Variants in ROBO2 observed in about 807,000 individuals in gnomAD.
ROBO2 encodes roundabout guidance receptor 2.
A neutral mutation model predicts 160.8 loss-of-function variants in ROBO2; 53 were observed. The ratio of observed to expected loss-of-function variants is 0.33; its 90% confidence interval spans 0.26 to 0.41. The LOEUF is 0.41. ROBO2 is among the 10% of genes least tolerant of loss of function. The pLI is 1.00. For synonymous variants in ROBO2, 664 were observed against 611.7 expected (o/e 1.09, Z -1.26); for missense variants, 1,577 against 1,722.4 (o/e 0.92, Z 1.49).
chr3:76,674,385 C>T (rs1348782921), intron 2 of ROBO2, among the ~76,000 whole-genome samples: 5 of 151,928 alleles, frequency 3.3e-5, no homozygotes, highest in South Asian at 2.1e-4. Context: ...TGCTGGGCAC[C>T]AGGTCACTGT....
intron 2 of ROBO2, among the ~76,000 whole-genome samples, chr3:76,096,194 T>C (rs746006681): frequency 6.6e-6 from 1 of 152,200 alleles, no homozygotes; most frequent in Non-Finnish European, 1.5e-5. Context: ...TCGAGTTTAC[T>C]TGGGCCACCT....
chr3:76,468,656 CTTG>C (rs2078485086), intron 2 of ROBO2, among the ~76,000 whole-genome samples: 2 of 152,062 alleles, frequency 1.3e-5, no homozygotes, highest in South Asian at 2.1e-4. Context: ...CTCAGCAACA[CTTG>C]TTGTGTAGAT....
intron 2 of ROBO2, among the ~76,000 whole-genome samples, chr3:76,440,208 A>C (rs568118483): frequency 6.6e-6 from 1 of 152,150 alleles, no homozygotes; most frequent in South Asian, 2.1e-4. Flanking sequence ...ACCCCAATCA[A>C]GTCCCAAGCA....
chr3:76,009,358 C>T (rs572092514), intron 2 of ROBO2, among the ~76,000 whole-genome samples: 42 of 152,342 alleles, frequency 2.8e-4, no homozygotes, highest in African/African-American at 9.9e-4. Flanking sequence ...GCACCTCCGC[C>T]TCCCAAAGTG....
chr3:75,933,202 C>G (rs1047438587), intron 1 of ROBO2, among the ~76,000 whole-genome samples: 5 of 152,074 alleles, frequency 3.3e-5, no homozygotes, highest in African/African-American at 1.2e-4. Context: ...TGAAAAAAAT[C>G]AATGTTAATA....
intron 2 of ROBO2, among the ~76,000 whole-genome samples, chr3:76,038,670 T>C: frequency 6.6e-6 from 1 of 151,930 alleles, no homozygotes; most frequent in Middle Eastern, 3.2e-3. Flanking sequence ...TCCTAGCTAT[T>C]GATCCCAAGA....
intron 2 of ROBO2, among the ~76,000 whole-genome samples, chr3:76,534,933 G>A (rs2082413447): frequency 6.6e-6 from 1 of 152,014 alleles, no homozygotes; most frequent in African/African-American, 2.4e-5. Flanking sequence ...AACATATTGA[G>A]TAAGGTGGGA....
intron 2 of ROBO2, among the ~76,000 whole-genome samples, chr3:77,100,246 C>T (rs960295851): frequency 2.0e-5 from 3 of 151,872 alleles, no homozygotes; most frequent in African/African-American, 4.8e-5. Context: ...TACTCATGAC[C>T]TAGAGAGGAA....
chr3:76,821,939 A>T (rs1461341119), intron 2 of ROBO2, among the ~76,000 whole-genome samples: 1 of 152,046 alleles, frequency 6.6e-6, no homozygotes, highest in Admixed American at 6.6e-5. Context: ...CATTGCAAAA[A>T]GTAGTAATAA....
Position 76,085,656 on chromosome 3 carries a change from G to C in ROBO2, c.109+148054G>C, listed in dbSNP as rs1452880144. On this transcript the variant is annotated intron_variant, in intron 2 of 26. Coordinates refer to the ROBO2 transcript ENST00000487694. The stretch of plus-strand genomic sequence containing the variant: ...AAACTGTTGCCCCTGAAATTGGAGA[G>C]AGACACAGGCAGATACAGAGTTTCA... Among the ~76,000 whole-genome samples, 3 of 152,146 alleles carry C rather than the reference G, an allele frequency of 2.0e-5. No homozygotes were observed. The East Asian group carries it at 5.8e-4, about 29-fold the overall frequency.
intron 2 of ROBO2, among the ~76,000 whole-genome samples, chr3:76,528,785 A>G (rs976678474): frequency 6.6e-6 from 1 of 152,106 alleles, no homozygotes; most frequent in Non-Finnish European, 1.5e-5. Flanking sequence ...CCTAGGACTG[A>G]AGCCTAGGGC....
At chr3:76,058,167 G>T (rs761673323) in intron 2 of ROBO2, among the ~76,000 whole-genome samples, 2 of 151,206 alleles carry the variant, frequency 1.3e-5, no homozygotes, top group Non-Finnish European at 2.9e-5. Context: ...GGTTTGTTAC[G>T]TAGGTATACA....
At chr3:77,499,484 C>T (rs2087236209) in intron 5 of ROBO2, among the ~76,000 whole-genome samples, 1 of 151,944 alleles carries the variant, frequency 6.6e-6, no homozygotes, top group Non-Finnish European at 1.5e-5. Flanking sequence ...ACAAATCCAC[C>T]TGATTGGTGG....
intron 2 of ROBO2, among the ~76,000 whole-genome samples, chr3:77,292,184 CAT>C (rs1560452613): frequency 6.7e-6 from 1 of 149,582 alleles, no homozygotes; most frequent in Non-Finnish European, 1.5e-5. Flanking sequence ...TCACGCCAGA[CAT>C]AAAGTAAAAT....
intron 2 of ROBO2, among the ~76,000 whole-genome samples, chr3:76,926,548 T>A (rs2077004476): frequency 6.6e-6 from 1 of 152,236 alleles, no homozygotes; most frequent in Non-Finnish European, 1.5e-5. Context: ...ATAAAGTTTG[T>A]TTTCTCTTAT....
intron 1 of ROBO2, 34 bp from the exon 2 acceptor site, chr3:77,097,980 T>A: frequency 6.7e-7 from 1 of 1,494,242 alleles, no homozygotes; most frequent in Non-Finnish European, 8.9e-7. Context: ...TAAGGAAATG[T>A]TAAAGCTTGT....
intron 1 of ROBO2, among the ~76,000 whole-genome samples, chr3:77,042,243 A>G (rs111274383): frequency 9.1e-4 from 138 of 152,336 alleles, no homozygotes; most frequent in African/African-American, 3.1e-3. Context: ...TGTGAATTAT[A>G]CTATGGCAAC....
chr3:77,224,973 T>C (rs1452885164), intron 2 of ROBO2, among the ~76,000 whole-genome samples: 1 of 151,890 alleles, frequency 6.6e-6, no homozygotes, highest in Non-Finnish European at 1.5e-5. Flanking sequence ...AATAGCCAAA[T>C]TTATCATTAT....
intron 1 of ROBO2, among the ~76,000 whole-genome samples, chr3:75,923,862 G>C (rs557009212): frequency 4.6e-5 from 7 of 152,240 alleles, no homozygotes; most frequent in Non-Finnish European, 7.4e-5. Flanking sequence ...GGCCTTTTGT[G>C]GCATAACAGC....
Sources: allele counts gnomAD v4.1 joint callset (sites outside exome capture counted in the v4.1 genomes callset), GRCh38; gene constraint gnomAD v4.1.1; transcripts MANE v1.5; gene names NCBI Gene and HGNC (gene_info 2026-07-23, HGNC 2026-07-21).